The following OR3A2 variants were observed in gnomAD, a reference collection of about 807,000 sequenced individuals.
OR3A2 encodes olfactory receptor family 3 subfamily A member 2.
For missense variants in OR3A2, 318 were observed against 392.8 expected (o/e 0.81, Z 1.61); for synonymous variants, 126 against 159.3 (o/e 0.79, Z 1.57).
At chr17:3,316,958 T>C (rs954898547) in intron 3 of OR3A2, among the ~76,000 whole-genome samples, 10 of 152,228 alleles carry the variant, frequency 6.6e-5, no homozygotes, top group African/African-American at 9.7e-5. Flanking sequence ...ACAAAATTAG[T>C]CACTTCCAAG....
chr17:3,302,128 T>C (rs1246450521), intron 3 of OR3A2, among the ~76,000 whole-genome samples: 1 of 152,196 alleles, frequency 6.6e-6, no homozygotes. Context: ...TCCATGCTCA[T>C]GGATAGGAAG....
intron 1 of OR3A2, among the ~76,000 whole-genome samples, chr17:3,385,161 T>C (rs1319611585): frequency 2.6e-5 from 4 of 152,090 alleles, no homozygotes; most frequent in Non-Finnish European, 5.9e-5. Flanking sequence ...GCCATTGAAC[T>C]CCAGCCTGGG....
chr17:3,381,885 A>C (rs974352981), intron 2 of OR3A2, among the ~76,000 whole-genome samples: 2 of 152,218 alleles, frequency 1.3e-5, no homozygotes, highest in African/African-American at 4.8e-5. Context: ...TCAGATGAGG[A>C]AAGACAAACA....
At chr17:3,330,655 A>G (rs2049223590) in intron 3 of OR3A2, among the ~76,000 whole-genome samples, 1 of 151,656 alleles carries the variant, frequency 6.6e-6, no homozygotes, top group Non-Finnish European at 1.5e-5. Context: ...ATGGGTCTTG[A>G]CTCTTTATCC....
At chr17:3,369,805 CTTT>C (rs35233474) in intron 2 of OR3A2, among the ~76,000 whole-genome samples, 1 of 134,688 alleles carries the variant, frequency 7.4e-6, no homozygotes, top group Admixed American at 7.5e-5. Flanking sequence ...TAGATTGGTA[CTTT>C]TTTTTTTTTT....
At chr17:3,385,896 C>T in intron 1 of OR3A2, 1 of 398,718 alleles carries the variant, frequency 2.5e-6, no homozygotes. Flanking sequence ...TGCCTCCTCC[C>T]TCCCCTCGGC....
At chr17:3,292,925 G>T (rs951822611) in intron 3 of OR3A2, among the ~76,000 whole-genome samples, 1 of 152,028 alleles carries the variant, frequency 6.6e-6, no homozygotes, top group African/African-American at 2.4e-5. Context: ...GTTTGAACAT[G>T]GCCGAGTAAA....
chr17:3,291,229 A>C (rs1032188490), intron 3 of OR3A2: 1 of 168,594 alleles, frequency 5.9e-6, no homozygotes, highest in Non-Finnish European at 1.3e-5. Flanking sequence ...TGTTTTATAA[A>C]CAGACCAAGC....
intron 2 of OR3A2, among the ~76,000 whole-genome samples, chr17:3,354,296 C>T (rs890030055): frequency 6.6e-6 from 1 of 151,068 alleles, no homozygotes; most frequent in African/African-American, 2.5e-5. Context: ...AGCAGTGAAG[C>T]CATTGCGTCC....
intron 3 of OR3A2, among the ~76,000 whole-genome samples, chr17:3,321,256 T>C (rs1201698849): frequency 6.6e-6 from 1 of 152,036 alleles, no homozygotes; most frequent in Non-Finnish European, 1.5e-5. Context: ...CTGAAGTTGC[T>C]TATCAGCTTA....
exon 2 of OR3A2, chr17:3,277,359 TAACAAAACAAC>T (rs1251022192): frequency 6.6e-6 from 1 of 152,260 alleles, no homozygotes; most frequent in East Asian, 1.9e-4. Context: ...AACAAGTTTT[TAACAAAACAAC>T]AACAAAACAA....
At chr17:3,292,775 C>T (rs2048887971) in intron 3 of OR3A2, among the ~76,000 whole-genome samples, 1 of 152,130 alleles carries the variant, frequency 6.6e-6, no homozygotes. Flanking sequence ...ACCTGAATAA[C>T]TTTATTTGCA....
At chr17:3,365,997 C>A (rs1263830779) in intron 2 of OR3A2, among the ~76,000 whole-genome samples, 1 of 152,216 alleles carries the variant, frequency 6.6e-6, no homozygotes, top group African/African-American at 2.4e-5. Context: ...CTGGGCACCA[C>A]TGCTAGAATG....
chr17:3,359,059 T>C (rs1056935531), intron 2 of OR3A2, among the ~76,000 whole-genome samples: 1 of 151,874 alleles, frequency 6.6e-6, no homozygotes, highest in Non-Finnish European at 1.5e-5. Context: ...TTTTGATATT[T>C]GTTGGTTTTA....
At chr17:3,292,273 G>A (rs1263974113) in intron 3 of OR3A2, 1 of 1,614,188 alleles carries the variant, frequency 6.2e-7, no homozygotes, top group Non-Finnish European at 8.5e-7. Flanking sequence ...AAGAAGAAGA[G>A]CTGGGTAAGG....
intron 3 of OR3A2, chr17:3,310,015 C>A: frequency 4.8e-6 from 1 of 210,304 alleles, no homozygotes; most frequent in Non-Finnish European, 9.7e-6. Context: ...ATAATTTTTC[C>A]CTTTACCTTT....
upstream of OR3A2, among the ~76,000 whole-genome samples, chr17:3,288,300 A>G (rs2048834333): frequency 6.6e-6 from 1 of 151,986 alleles, no homozygotes; most frequent in Non-Finnish European, 1.5e-5. Flanking sequence ...CAAAGAAGAA[A>G]TACAAATAAC....
At chr17:3,278,122 C>G (rs760055376) in exon 2 of OR3A2, 2 of 1,614,198 alleles carry the variant, frequency 1.2e-6, no homozygotes, top group Non-Finnish European at 1.7e-6. Context: ...TCCTCTGAAC[C>G]CAGTCTCATG....
chr17:3,367,599 G>GTATATATATATATA (rs201439962), intron 2 of OR3A2, among the ~76,000 whole-genome samples: 2 of 85,958 alleles, frequency 2.3e-5, no homozygotes, highest in East Asian at 5.7e-4. Context: ...GTGTGTGTGT[G>GTATATATATATATA]TGTATATATA....
Sources: gnomAD v4.1 joint callset for allele counts (sites outside exome capture counted in the v4.1 genomes callset) on GRCh38, gnomAD v4.1.1 for gene constraint, MANE v1.5 for transcripts, NCBI Gene and HGNC (gene_info 2026-07-23, HGNC 2026-07-21) for gene names.